Variants in CLEC2B observed in about 807,000 individuals in gnomAD.
The protein encoded by CLEC2B is C-type (calcium dependent, carbohydrate-recognition domain) lectin, superfamily member 2 (activation-induced).
CLEC2B carries 14 observed loss-of-function variants against 16.2 expected under a neutral mutation model. The observed-to-expected ratio is 0.86, with a 90% CI of 0.57 to 1.35. CLEC2B has a LOEUF of 1.35. Among genes scored for constraint, CLEC2B ranks in the 40% most tolerant of loss-of-function variants. The pLI is 0.00. For missense variants in CLEC2B, 166 were observed against 182.3 expected, an observed-to-expected ratio of 0.91 and a Z score of 0.52; for synonymous variants, 42 against 55.8, an observed-to-expected ratio of 0.75 and a Z score of 1.10.
Position 9,863,575 on chromosome 12 carries a change from A to G in CLEC2B, c.-2-1002T>C, listed in dbSNP as rs986592153. Among the ~76,000 whole-genome samples, 4 of 152,238 alleles carry G rather than the reference A, an allele frequency of 2.6e-5. No individual in the cohort carries two copies. The East Asian group carries it at 5.8e-4, about 22-fold the overall frequency. Reference sequence around the variant, plus strand: ...ATAACACAAAAAACAATTCAGAAATATATCAGAGGAATTTAACAAAGGGAT... The same window carrying G: ...ATAACACAAAAAACAATTCAGAAATGTATCAGAGGAATTTAACAAAGGGAT... On this transcript the variant is annotated intron_variant, in intron 1 of 4. Coordinates refer to ENST00000228438, the MANE Select transcript of CLEC2B (RefSeq NM_005127.3).
chr12:9,858,288 G>T (rs1387888465), intron 2 of CLEC2B, among the ~76,000 whole-genome samples: 2 of 152,002 alleles, frequency 1.3e-5, no homozygotes, highest in African/African-American at 4.8e-5. Context: ...ATGCATGAGT[G>T]CATTATGCCA....
At position 9,852,542 on chromosome 12, in the gene CLEC2B, T is replaced by C. The variant is rs1867853824; in HGVS notation, c.*758A>G. On this transcript the variant is annotated 3_prime_UTR_variant, in exon 5 of 5. Coordinates refer to ENST00000228438, the MANE Select transcript of CLEC2B (RefSeq NM_005127.3). ...CAACAGGTAGTTTTAGCAACTAGGT[T>C]TGTAGAGAATTATATTTTGAAGCAA... is the stretch of plus-strand genomic sequence containing the variant. Among the ~76,000 whole-genome samples the C allele has an allele frequency of 6.6e-6, 1 of 152,084 alleles. No homozygotes were observed. The highest frequency in any genetic ancestry group is 2.4e-5 in the African/African-American group (1 of 41,404).
chr12:9,854,127 G>T (rs1464421224), intron 4 of CLEC2B, among the ~76,000 whole-genome samples: 1 of 152,108 alleles, frequency 6.6e-6, no homozygotes, highest in Non-Finnish European at 1.5e-5. Context: ...TTAAATTGGG[G>T]TGGGGGGAGT....
chr12:9,857,377 G>T, intron 3 of CLEC2B, 97 bp downstream of exon 3: 2 of 859,114 alleles, frequency 2.3e-6, no homozygotes, highest in Non-Finnish European at 1.8e-6. Flanking sequence ...GCATAGATAG[G>T]CATGAGTGAA....
chr12:9,863,307 C>G (rs1211303054), intron 1 of CLEC2B, among the ~76,000 whole-genome samples: 1 of 152,004 alleles, frequency 6.6e-6, no homozygotes, highest in Non-Finnish European at 1.5e-5. Context: ...AAAAAATCGA[C>G]AGGTAAATTA....
At chr12:9,855,590 G>A (rs568668080) in intron 3 of CLEC2B, among the ~76,000 whole-genome samples, 27 of 151,976 alleles carry the variant, frequency 1.8e-4, no homozygotes, top group African/African-American at 5.8e-4. Flanking sequence ...AGAATATTCC[G>A]TGTAAATGCA....
At chr12:9,866,992 G>A (rs1426453660) in intron 1 of CLEC2B, 1 of 152,156 alleles carries the variant, frequency 6.6e-6, no homozygotes, top group Admixed American at 6.5e-5. Flanking sequence ...TACAGAGTTG[G>A]TAGATTTTAC....
At position 9,862,552 on chromosome 12, in the gene CLEC2B, T is replaced by G. The variant is rs745791631; in HGVS notation, c.20A>C (p.Lys7Thr). 37 of 1,476,232 alleles carry G rather than the reference T, an allele frequency of 2.5e-5. No individual in the cohort carries two copies. The highest frequency in any genetic ancestry group is 3.3e-5 in the Non-Finnish European group (36 of 1,095,816). The allele number at this position is 1,476,232 out of a possible 1,614,324, so 91.4% of individuals were successfully genotyped here. A position where few individuals can be genotyped will look rare whatever the true frequency, so the allele number is the denominator to read the frequency against. Residue 7 changes from lysine to threonine, a missense_variant, in exon 2 of 5, where the codon AAG becomes ACG. Physicochemically the swap from Lys to Thr is moderately conservative, Grantham distance 78. Transcript: ENST00000228438. Reference protein sequence around the residue: MMTKHKKCFIIVGVLIT... With the variant: MMTKHKTCFIIVGVLIT... ...TAAAACACCAACAATTATAAAACAC[T>G]TTTTATGTTTGGTCATCATACCTGA...
intron 1 of CLEC2B, among the ~76,000 whole-genome samples, chr12:9,864,744 T>A: frequency 6.7e-6 from 1 of 149,354 alleles, no homozygotes; most frequent in Non-Finnish European, 1.5e-5. Flanking sequence ...CCAGAGAAAA[T>A]TATATAACCC....
chr12:9,862,396 A>G, intron 2 of CLEC2B, 103 bp downstream of exon 2: 1 of 1,023,754 alleles, frequency 9.8e-7, no homozygotes, highest in Non-Finnish European at 1.3e-6. Context: ...ATCATGTATA[A>G]TGGGAAGATA....
intron 3 of CLEC2B, among the ~76,000 whole-genome samples, chr12:9,856,241 T>C (rs1867893666): frequency 6.6e-6 from 1 of 152,074 alleles, no homozygotes; most frequent in African/African-American, 2.4e-5. Context: ...TCATCTTTCA[T>C]TTTATTAACA....
At chr12:9,857,438 A>C in intron 3 of CLEC2B, 36 bp downstream of exon 3, 1 of 1,503,438 alleles carries the variant, frequency 6.7e-7, no homozygotes, top group Non-Finnish European at 9.2e-7. Flanking sequence ...CTCCGACTCA[A>C]GAAAATTCAC....
Position 9,853,422 on chromosome 12 carries a change from A to T in CLEC2B, c.342-14T>A. ...CTCATGCCAAACCTGCAACAAAGGG[A>T]TTAACCATTATGTAGTCATGTGATT... On this transcript the variant is annotated splice_polypyrimidine_tract_variant and intron_variant, in intron 4 of 4. Transcript: ENST00000228438. 6.3e-7 allele frequency: 1 copy of T among 1,595,138 alleles called. No homozygotes were observed. Among genetic ancestry groups the T allele is most frequent in the Non-Finnish European group, 8.6e-7 (1 of 1,162,778 alleles).
chr12:9,862,543 A>G lies in CLEC2B; in HGVS notation c.29T>C (p.Ile10Thr). MMTKHKKCF[I>T]IVGVLITTNI... is the part of the protein sequence containing the mutation. ...AGTTGTTATTAAAACACCAACAATTATAAAACACTTTTTATGTTTGGTCAT... is the reference window on the plus strand; with the variant it reads ...AGTTGTTATTAAAACACCAACAATTGTAAAACACTTTTTATGTTTGGTCAT... Residue 10 changes from isoleucine (I) to threonine (T), a missense_variant, in exon 2 of 5, where the codon ATA (isoleucine) becomes ACA (threonine). Physicochemically the swap from Ile to Thr is moderately conservative, Grantham distance 89 (BLOSUM62 -1). Transcript: ENST00000228438. 3 of 1,476,794 alleles carry G rather than the reference A, an allele frequency of 2.0e-6. No individual in the cohort carries two copies. The highest frequency in any genetic ancestry group is 1.8e-6 in the Non-Finnish European group (2 of 1,095,224). 91.5% of individuals were successfully genotyped at this position (1,476,794 alleles called of 1,614,324 possible).
At position 9,852,587 on chromosome 12, in the gene CLEC2B, C is replaced by G. The variant is rs1315214931; in HGVS notation, c.*713G>C. On this transcript the variant is annotated 3_prime_UTR_variant, in exon 5 of 5. Transcript: ENST00000228438. ...AAGCAATGCTGTGTGCCCTGAGTGCCTTTTTCCCCTGGCCTGTCTACCCTG... is the reference window on the plus strand; with the variant it reads ...AAGCAATGCTGTGTGCCCTGAGTGCGTTTTTCCCCTGGCCTGTCTACCCTG... Among the ~76,000 whole-genome samples the G allele has an allele frequency of 6.6e-6, 1 of 152,132 alleles. No homozygotes were observed. The highest frequency in any genetic ancestry group is 1.5e-5 in the Non-Finnish European group (1 of 68,024).
intron 1 of CLEC2B, among the ~76,000 whole-genome samples, chr12:9,868,988 G>A (rs1867993838): frequency 6.6e-6 from 1 of 152,006 alleles, no homozygotes; most frequent in Non-Finnish European, 1.5e-5. Flanking sequence ...TTTAAGTCAT[G>A]GTTAATCCTT....
chr12:9,863,675 C>T (rs553433504), intron 1 of CLEC2B, among the ~76,000 whole-genome samples: 1 of 151,984 alleles, frequency 6.6e-6, no homozygotes, highest in South Asian at 2.1e-4. Flanking sequence ...ATTTTATTAG[C>T]GGCTCTCAAA....
intron 2 of CLEC2B, among the ~76,000 whole-genome samples, chr12:9,859,150 G>A (rs1451521246): frequency 1.3e-5 from 2 of 151,726 alleles, no homozygotes; most frequent in Non-Finnish European, 2.9e-5. Context: ...AAAGCTTACA[G>A]GAAAATTTAT....
rs1222633344 is a variant in CLEC2B at position 9,869,221 on chromosome 12, A to G, written c.-19T>C. 1.3e-5 allele frequency: 2 copies of G among 152,174 alleles called. No individual in the cohort carries two copies. Among genetic ancestry groups the G allele is most frequent in the East Asian group, 3.8e-4 (2 of 5,196 alleles). The allele number at this position is 152,174 out of a possible 1,614,324, so 9.4% of individuals were successfully genotyped here. ...TGTTCTTACCGTGCTTCTTTTAATC[A>G]GCGTTTTGATTTTCTGCTAGCAGCT... On this transcript the variant is annotated 5_prime_UTR_variant, in exon 1 of 5. Coordinates refer to ENST00000228438, the MANE Select transcript of CLEC2B (RefSeq NM_005127.3).
Sources: allele counts gnomAD v4.1 joint callset (sites outside exome capture counted in the v4.1 genomes callset), GRCh38; gene constraint gnomAD v4.1.1; transcripts MANE v1.5; gene names NCBI Gene and HGNC (gene_info 2026-07-23, HGNC 2026-07-21).